The following NOX4 variants were observed in gnomAD, a reference collection of about 807,000 sequenced individuals.
NOX4 encodes NADPH oxidase 4.
NOX4 carries 69 observed loss-of-function variants against 87.6 expected under a neutral mutation model. The observed-to-expected ratio is 0.79, with a 90% confidence interval of 0.65 to 0.96. The LOEUF is 0.96. Ranked by LOEUF, NOX4 falls within the 40% of genes least tolerant of loss-of-function variation. NOX4 has a pLI of 0.00. For missense variants in NOX4, 680 were observed against 681.5 expected (o/e 1.00, Z 0.02); for synonymous variants, 275 against 238.2 (o/e 1.15, Z -1.42).
the NOX4 span, among the ~76,000 whole-genome samples, chr11:89,525,854 C>G: frequency 2.0e-5 from 3 of 152,048 alleles, no homozygotes; most frequent in Non-Finnish European, 4.4e-5. Context: ...ATTTTATATT[C>G]ATGTCTATAA....
In NOX4 at chr11:89,340,079, C is replaced by A. The variant is rs762202427; in HGVS notation, c.1430G>T (p.Cys477Phe). Residue 477 changes from cysteine to phenylalanine, a missense_variant, in exon 15 of 18, where the codon TGT becomes TTT. By Grantham distance (205) the Cys-to-Phe change is radical. Coordinates refer to ENST00000263317, the MANE Select transcript of NOX4 (RefSeq NM_016931.5). The stretch of plus-strand genomic sequence containing the variant: ...TAATGTTACCTTGTTATGCAACATA[C>A]AGAGTAAATCTGCAAACCAACGGAA... The part of the protein sequence containing the change: ...QSFRWFADLL[C>F]MLHNKFWQEN... The A allele has an allele frequency of 1.9e-6, 3 of 1,555,818 alleles. No individual in the cohort carries two copies. The highest frequency in any genetic ancestry group is 2.4e-5 in the South Asian group (2 of 82,602).
chr11:89,335,414 C>CA (rs1215520105), intron 17 of NOX4, among the ~76,000 whole-genome samples: 3 of 151,286 alleles, frequency 2.0e-5, no homozygotes, highest in Admixed American at 6.6e-5. Flanking sequence ...GAAAAACAAA[C>CA]AAAAAACATT....
chr11:89,455,448 A>T (rs1945148718), intron 2 of NOX4, among the ~76,000 whole-genome samples: 1 of 152,054 alleles, frequency 6.6e-6, no homozygotes, highest in South Asian at 2.1e-4. Context: ...CATTTTTTAC[A>T]GCTATGTATC....
At chr11:89,410,860 T>G (rs1847144) in intron 8 of NOX4, among the ~76,000 whole-genome samples, 68,664 of 151,796 alleles carry the variant, frequency 0.45, 16,567 homozygotes, top group African/African-American at 0.63. Context: ...GTGATGTGGG[T>G]GGCACACGCC....
chr11:89,334,798 T>A (rs1328056511), intron 17 of NOX4, among the ~76,000 whole-genome samples: 1 of 151,720 alleles, frequency 6.6e-6, no homozygotes, highest in Non-Finnish European at 1.5e-5. Flanking sequence ...TTAATTTATG[T>A]TCATTCTTTT....
At chr11:89,432,902 A>T in intron 6 of NOX4, 46 bp from the exon 7 acceptor site, 1 of 1,228,436 alleles carries the variant, frequency 8.1e-7, no homozygotes, top group Non-Finnish European at 1.2e-6. Context: ...TCATAGTGAG[A>T]AAAAAATACA....
At chr11:89,407,641 G>T (rs1473030813) in intron 8 of NOX4, among the ~76,000 whole-genome samples, 1 of 151,594 alleles carries the variant, frequency 6.6e-6, no homozygotes, top group African/African-American at 2.4e-5. Context: ...TGGTGTTTTT[G>T]TTGTTTGTTT....
At chr11:89,579,330 T>C in the NOX4 span, among the ~76,000 whole-genome samples, 3 of 152,186 alleles carry the variant, frequency 2.0e-5, no homozygotes, top group Admixed American at 6.5e-5. Flanking sequence ...TGTGTCTGTG[T>C]ATGTTCATCA....
rs369434579 is a variant in NOX4, at chr11:89,432,778, A to C, written c.548+6T>G. On this transcript the variant is annotated splice_donor_region_variant and intron_variant, in intron 7 of 17. Coordinates refer to ENST00000263317, the MANE Select transcript of NOX4 (RefSeq NM_016931.5). ...ACACATCAAAATAATTGATTCTGAC[A>C]CTTACCTTATTGCATATGTAGAGGC... is the stretch of plus-strand genomic sequence containing the variant. 8.2e-6 allele frequency: 13 copies of C among 1,594,336 alleles called. No individual in the cohort carries two copies. The African/African-American group carries it at 1.7e-4, about 21-fold the overall frequency.
upstream of NOX4, among the ~76,000 whole-genome samples, chr11:89,492,765 A>G (rs74382625): frequency 2.2e-3 from 339 of 152,252 alleles, no homozygotes; most frequent in Middle Eastern, 6.8e-3. Flanking sequence ...CTCCACTGGA[A>G]GGAAGTCAAA....
At chr11:89,510,461 T>G in the NOX4 span, among the ~76,000 whole-genome samples, 3 of 152,054 alleles carry the variant, frequency 2.0e-5, no homozygotes, top group Admixed American at 2.0e-4. Context: ...TTACTACAGT[T>G]CCAAATCAAT....
chr11:89,439,796 A>G (rs559060454), intron 6 of NOX4, among the ~76,000 whole-genome samples: 4 of 152,334 alleles, frequency 2.6e-5, no homozygotes, highest in Non-Finnish European at 5.9e-5. Context: ...TTAACAAATT[A>G]ATAGTCTAGA....
At chr11:89,509,264 G>C in the NOX4 span, among the ~76,000 whole-genome samples, 1 of 151,660 alleles carries the variant, frequency 6.6e-6, no homozygotes, top group East Asian at 1.9e-4. Flanking sequence ...GTGTCTCTTA[G>C]ACATTAACCA....
At chr11:89,515,097 C>T in the NOX4 span, among the ~76,000 whole-genome samples, 22 of 151,936 alleles carry the variant, frequency 1.4e-4, no homozygotes, top group African/African-American at 5.1e-4. Flanking sequence ...TTTGTGTGAA[C>T]AGTTATCTTC....
At chr11:89,485,449 T>C (rs542621115) in intron 2 of NOX4, among the ~76,000 whole-genome samples, 24 of 152,124 alleles carry the variant, frequency 1.6e-4, no homozygotes, top group African/African-American at 5.5e-4. Flanking sequence ...TATCATAAAA[T>C]CATTCTCTTT....
chr11:89,506,297 A>AAGAAAG, the NOX4 span, among the ~76,000 whole-genome samples: 28 of 144,966 alleles, frequency 1.9e-4, no homozygotes, highest in South Asian at 6.5e-4. Context: ...GAAAGAAAGA[A>AAGAAAG]AGAAAGAGAG....
chr11:89,517,720 C>A, the NOX4 span, among the ~76,000 whole-genome samples: 4 of 151,812 alleles, frequency 2.6e-5, no homozygotes. Context: ...TGGCCTCAAG[C>A]AATCCTCCCA....
At chr11:89,464,157 T>C (rs1945582472) in intron 2 of NOX4, among the ~76,000 whole-genome samples, 1 of 152,068 alleles carries the variant, frequency 6.6e-6, no homozygotes, top group African/African-American at 2.4e-5. Context: ...ATTGCATGTC[T>C]GGAAGTGTTT....
chr11:89,530,509 C>CTT, the NOX4 span, among the ~76,000 whole-genome samples: 757 of 135,434 alleles, frequency 5.6e-3, 5 homozygotes, highest in African/African-American at 0.013. Flanking sequence ...CATCTGTCTA[C>CTT]TTTTTTTTTT....
Sources: allele counts gnomAD v4.1 joint callset (sites outside exome capture counted in the v4.1 genomes callset), GRCh38; gene constraint gnomAD v4.1.1; transcripts MANE v1.5; gene names NCBI Gene and HGNC (gene_info 2026-07-23, HGNC 2026-07-21).